The following RIF1 variants were observed in gnomAD, a reference collection of about 807,000 sequenced individuals.
The protein encoded by RIF1 is telomere-associated protein RIF1.
RIF1 carries 45 observed loss-of-function variants against 247.1 expected under a neutral mutation model. The observed-to-expected ratio is 0.18, with a 90% CI of 0.14 to 0.23. The LOEUF is 0.23. RIF1 is among the 10% of genes least tolerant of loss of function. The pLI, the probability that RIF1 is intolerant of heterozygous loss-of-function variation, is 1.00. For synonymous variants in RIF1, 1,087 were observed against 978.8 expected (o/e 1.11, Z -2.06); for missense variants, 2,967 against 2,862.5 (o/e 1.04, Z -0.83).
intron 4 of RIF1, among the ~76,000 whole-genome samples, chr2:151,415,454 C>T (rs1234900121): frequency 3.4e-5 from 5 of 146,514 alleles, no homozygotes; most frequent in Non-Finnish European, 6.0e-5. Context: ...ATTAGCCGGG[C>T]GTGGTGGCAG....
In RIF1 at chr2:151,438,785, A is replaced by C. The variant is rs781028651; in HGVS notation, c.1546+39A>C. On this transcript the variant is annotated intron_variant, in intron 14 of 35. Transcript: ENST00000444746. ...CACTGATCAAATGTTGTTTTTTGAA[A>C]CAGGTGGTGATCAGATGATTTTTAT... is the stretch of plus-strand genomic sequence containing the variant. 5.6e-6 allele frequency: 7 copies of C among 1,256,178 alleles called. No homozygotes were observed. In the African/African-American group the frequency reaches 5.9e-5, roughly 11 times the overall value. 77.8% of individuals were successfully genotyped at this position (1,256,178 alleles called of 1,614,324 possible). A position where few individuals can be genotyped will look rare whatever the true frequency, so the allele number is the denominator to read the frequency against.
the RIF1 span, among the ~76,000 whole-genome samples, chr2:151,523,876 T>C: frequency 1.2e-4 from 18 of 152,192 alleles, no homozygotes; most frequent in Admixed American, 1.0e-3. Context: ...AGTTAATATA[T>C]GTATGTTTAA....
At chr2:151,500,334 A>G (rs2063471629) in intron 11 of RIF1, among the ~76,000 whole-genome samples, 1 of 152,136 alleles carries the variant, frequency 6.6e-6, no homozygotes, top group Non-Finnish European at 1.5e-5. Flanking sequence ...AAAAAAATCC[A>G]TCTAAATTTT....
chr2:151,466,194 G>A, intron 30 of RIF1, 74 bp downstream of exon 30: 1 of 778,380 alleles, frequency 1.3e-6, no homozygotes, highest in Non-Finnish European at 2.1e-6. Flanking sequence ...GTGACCTCTG[G>A]TGAATGACAA....
Position 151,476,346 on chromosome 2 carries a change from G to C in RIF1, c.*1275G>C, listed in dbSNP as rs1164972106. 2.6e-5 allele frequency: 4 copies of C among 152,096 alleles called. No homozygotes were observed. Among genetic ancestry groups the C allele is most frequent in the Admixed American group, 2.0e-4 (3 of 15,264 alleles). 9.4% of individuals were successfully genotyped at this position (152,096 alleles called of 1,614,324 possible). ...AAAGAGGTATGTAATTAAAACCTTTGTAAAATTTGCCAACTAATATTAGTG... is the reference window on the plus strand; with the variant it reads ...AAAGAGGTATGTAATTAAAACCTTTCTAAAATTTGCCAACTAATATTAGTG... On this transcript the variant is annotated 3_prime_UTR_variant, in exon 36 of 36. Coordinates refer to ENST00000444746, the MANE Select transcript of RIF1 (RefSeq NM_018151.5).
chr2:151,501,860 G>A lies in RIF1; in HGVS notation c.*710-1174G>A, dbSNP rs1488578730. 2.0e-5 allele frequency among the ~76,000 whole-genome samples: 3 copies of A among 151,928 alleles called. No individual in the cohort carries two copies. The South Asian group carries it at 6.2e-4, about 32-fold the overall frequency. Reference sequence around the variant, plus strand: ...GAGAGAGAGAGACAGGTAGGTTTGGGGGAACAAAATAAAGAATAAATGTTG... The same window carrying A: ...GAGAGAGAGAGACAGGTAGGTTTGGAGGAACAAAATAAAGAATAAATGTTG... On this transcript the variant is annotated intron_variant and NMD_transcript_variant, in intron 11 of 13. Transcript: ENST00000454583.
At chr2:151,445,864 C>T (rs148104084) in intron 19 of RIF1, among the ~76,000 whole-genome samples, 101 of 144,456 alleles carry the variant, frequency 7.0e-4, no homozygotes, top group African/African-American at 2.5e-3. Flanking sequence ...AATAAGACTT[C>T]TTTATGACTT....
intron 11 of RIF1, chr2:151,501,365 G>C (rs2064397004): frequency 7.3e-7 from 1 of 1,374,064 alleles, no homozygotes; most frequent in Non-Finnish European, 1.0e-6. Context: ...TTTTAATATG[G>C]AGTTAAAGAG....
intron 8 of RIF1, among the ~76,000 whole-genome samples, chr2:151,427,476 GC>G (rs1689307563): frequency 6.6e-6 from 1 of 150,472 alleles, no homozygotes; most frequent in African/African-American, 2.4e-5. Context: ...CTCCCAGAGT[GC>G]TGGGATTGCA....
intron 10 of RIF1, chr2:151,496,513 C>T (rs532278571): frequency 1.4e-6 from 2 of 1,442,182 alleles, no homozygotes; most frequent in South Asian, 2.8e-5. Flanking sequence ...ATGCCACCAG[C>T]TACTTTAGTG....
rs560878834 is a variant in RIF1 at position 151,420,449 on chromosome 2, A to G, written c.693+70A>G. 3.4e-6 allele frequency: 5 copies of G among 1,466,598 alleles called. No individual in the cohort carries two copies. In the East Asian group the frequency reaches 9.4e-5, roughly 28 times the overall value. 90.8% of individuals were successfully genotyped at this position (1,466,598 alleles called of 1,614,324 possible). On this transcript the variant is annotated intron_variant, in intron 7 of 35. Transcript: ENST00000444746. Reference sequence around the variant, plus strand: ...AGGTTCTGCACTAAGCTTAAAATTCAGTCTGGTGGCCAGGTACGGTGGCTC... The same window carrying G: ...AGGTTCTGCACTAAGCTTAAAATTCGGTCTGGTGGCCAGGTACGGTGGCTC...
the RIF1 span, chr2:151,516,469 A>G: frequency 6.2e-7 from 1 of 1,610,894 alleles, no homozygotes; most frequent in Non-Finnish European, 8.5e-7. Flanking sequence ...CCCACTCTGC[A>G]TCTGCTGAGA....
chr2:151,506,944 G>C, intron 13 of RIF1: 1 of 1,611,054 alleles, frequency 6.2e-7, no homozygotes, highest in Non-Finnish European at 8.5e-7. Flanking sequence ...TTTACACGCA[G>C]TATTTCTGGC....
At position 151,460,021 on chromosome 2, in the gene RIF1, G is replaced by A; in HGVS notation, c.2977G>A (p.Val993Met). 6.5e-7 allele frequency: 1 copy of A among 1,546,868 alleles called. No individual in the cohort carries two copies. Among genetic ancestry groups the A allele is most frequent in the Admixed American group, 1.9e-5 (1 of 52,008 alleles). The change falls in exon 26 of 36, where the codon GTG (valine) becomes ATG (methionine). Residue 993 changes from valine (V) to methionine (M), a missense_variant. This residue lies in a region of RIF1 where 2,028 missense variants were observed against 1,825.6 expected (regional missense o/e 1.11). Coordinates refer to ENST00000444746, the MANE Select transcript of RIF1 (RefSeq NM_018151.5). ...ACAGACAGAAAATTCACAACTAAATGTGAAGATAAGTGGCATGGAGAGAAA... is the reference window on the plus strand; with the variant it reads ...ACAGACAGAAAATTCACAACTAAATATGAAGATAAGTGGCATGGAGAGAAA... The part of the protein sequence containing the change: ...SDGTENSQLN[V>M]KISGMERKSN...
intron 21 of RIF1, among the ~76,000 whole-genome samples, chr2:151,452,016 TG>T (rs1694393528): frequency 6.6e-6 from 1 of 152,212 alleles, no homozygotes; most frequent in Non-Finnish European, 1.5e-5. Context: ...TCATTCCATC[TG>T]GTATGAAGGA....
chr2:151,498,127 G>A, intron 10 of RIF1: 1 of 1,520,238 alleles, frequency 6.6e-7, no homozygotes. Flanking sequence ...AAATGGGAAA[G>A]TATATCCTTT....
At chr2:151,534,383 A>C in the RIF1 span, 11 of 1,396,690 alleles carry the variant, frequency 7.9e-6, no homozygotes, top group Non-Finnish European at 1.0e-5. Flanking sequence ...AAAATGTCTC[A>C]AGGTAAACAC....
chr2:151,441,880 C>T, intron 15 of RIF1, 25 bp from the exon 16 acceptor site: 1 of 1,111,718 alleles, frequency 9.0e-7, no homozygotes, highest in Non-Finnish European at 1.3e-6. Flanking sequence ...GGCTAATTTA[C>T]TGTAAAACCT....
intron 8 of RIF1, among the ~76,000 whole-genome samples, chr2:151,425,139 T>A (rs1302087120): frequency 6.6e-6 from 1 of 152,152 alleles, no homozygotes; most frequent in African/African-American, 2.4e-5. Flanking sequence ...AGATTTGCAT[T>A]TCTCTGATTA....
Sources: allele counts gnomAD v4.1 joint callset (sites outside exome capture counted in the v4.1 genomes callset), GRCh38; gene constraint gnomAD v4.1.1; regional missense constraint gnomAD v4.1.1; transcripts MANE v1.5; gene names NCBI Gene and HGNC (gene_info 2026-07-23, HGNC 2026-07-21).